DOCK1: variants seen among roughly 807,000 people sequenced by gnomAD.
The protein encoded by DOCK1 is dedicator of cytokinesis protein 1.
A neutral mutation model predicts 262.7 loss-of-function variants in DOCK1; 138 were observed. That is an observed-to-expected ratio of 0.53 (90% confidence interval 0.46 to 0.61). The LOEUF (loss-of-function observed/expected upper bound fraction) is 0.61. Ranked by LOEUF, DOCK1 falls within the 20% of genes least tolerant of loss-of-function variation. The probability of loss-of-function intolerance (pLI) is 0.00; values close to 1 mark genes in which losing one functional copy is unlikely to be tolerated. For synonymous variants in DOCK1, 866 were observed against 867.4 expected (o/e 1.00, Z 0.03); for missense variants, 1,908 against 2,370.7 (o/e 0.80, Z 4.05).
intron 1 of DOCK1, among the ~76,000 whole-genome samples, chr10:126,929,243 G>T (rs993615157): frequency 1.3e-5 from 2 of 152,200 alleles, no homozygotes; most frequent in Non-Finnish European, 1.5e-5. Context: ...CAGATTGCTG[G>T]TTGTAATTTT....
intron 29 of DOCK1, among the ~76,000 whole-genome samples, chr10:127,326,081 C>T (rs2062736481): frequency 6.6e-6 from 1 of 152,190 alleles, no homozygotes; most frequent in African/African-American, 2.4e-5. Flanking sequence ...GAGGCTTCAG[C>T]AAATCTAAAT....
intron 1 of DOCK1, among the ~76,000 whole-genome samples, chr10:126,925,219 A>C (rs904134319): frequency 6.6e-6 from 1 of 152,224 alleles, no homozygotes; most frequent in Non-Finnish European, 1.5e-5. Context: ...TAAGCCTAAC[A>C]TACCATAGGC....
At chr10:127,073,563 C>T (rs1172698047) in intron 23 of DOCK1, among the ~76,000 whole-genome samples, 1 of 152,178 alleles carries the variant, frequency 6.6e-6, no homozygotes, top group African/African-American at 2.4e-5. Context: ...TATTTCTCTC[C>T]ATTTGAGGGA....
intron 25 of DOCK1, among the ~76,000 whole-genome samples, chr10:127,121,661 G>T (rs751705663): frequency 4.1e-4 from 62 of 152,166 alleles, no homozygotes; most frequent in Non-Finnish European, 7.5e-4. Flanking sequence ...CTTAAAAAAT[G>T]AGGTTTTAAG....
chr10:127,149,832 G>A (rs2052316394), intron 27 of DOCK1, among the ~76,000 whole-genome samples: 1 of 152,120 alleles, frequency 6.6e-6, no homozygotes, highest in African/African-American at 2.4e-5. Context: ...CCAATCCCGG[G>A]GTGTTCCAGG....
At chr10:127,003,964 C>T (rs1047590853) in intron 10 of DOCK1, among the ~76,000 whole-genome samples, 1 of 150,278 alleles carries the variant, frequency 6.7e-6, no homozygotes. Flanking sequence ...CCCTCCCCCC[C>T]AAAAAAAAGG....
chr10:127,130,062 CTTCTTT>C (rs2050218137), intron 27 of DOCK1, among the ~76,000 whole-genome samples: 1 of 99,014 alleles, frequency 1.0e-5, no homozygotes, highest in African/African-American at 5.4e-5. Context: ...CAGTTAGGGT[CTTCTTT>C]TTTTTTTTTT....
At chr10:127,401,535 C>T (rs941739621) in intron 38 of DOCK1, among the ~76,000 whole-genome samples, 15 of 152,134 alleles carry the variant, frequency 9.9e-5, no homozygotes, top group South Asian at 2.1e-4. Context: ...ACCCCTTTTC[C>T]GGTGGAATGC....
chr10:127,384,138 A>G (rs911457221), intron 37 of DOCK1, among the ~76,000 whole-genome samples: 2 of 152,162 alleles, frequency 1.3e-5, no homozygotes, highest in Admixed American at 6.5e-5. Context: ...CTTATACTTA[A>G]TGCCACTGAT....
chr10:127,396,379 G>T (rs75612018), intron 38 of DOCK1, among the ~76,000 whole-genome samples: 13,883 of 152,266 alleles, frequency 0.091, 691 homozygotes, highest in African/African-American at 0.13. Context: ...CCCATGTGTT[G>T]TTCTCTGTCA....
intron 27 of DOCK1, among the ~76,000 whole-genome samples, chr10:127,245,598 G>A (rs1311827732): frequency 1.3e-5 from 2 of 152,162 alleles, no homozygotes. Context: ...GTGTTACAAC[G>A]GTTTTGGCAT....
chr10:126,974,599 C>T (rs893145922), intron 2 of DOCK1, among the ~76,000 whole-genome samples: 5 of 152,172 alleles, frequency 3.3e-5, no homozygotes, highest in Admixed American at 2.0e-4. Context: ...CCCCTCTTTG[C>T]TGTGCCCCAG....
chr10:127,109,524 G>C (rs2048739149), intron 24 of DOCK1, among the ~76,000 whole-genome samples: 1 of 152,150 alleles, frequency 6.6e-6, no homozygotes, highest in African/African-American at 2.4e-5. Context: ...AGATCCCAGT[G>C]TCCATTTCTG....
chr10:126,975,565 T>C (rs1048449036), intron 2 of DOCK1, among the ~76,000 whole-genome samples: 3 of 152,226 alleles, frequency 2.0e-5, no homozygotes, highest in Admixed American at 2.0e-4. Flanking sequence ...TCTTCATACA[T>C]GTTGAGGTCT....
At chr10:126,945,821 G>T (rs2035354392) in intron 1 of DOCK1, among the ~76,000 whole-genome samples, 1 of 152,234 alleles carries the variant, frequency 6.6e-6, no homozygotes, top group African/African-American at 2.4e-5. Context: ...GCACTTTGCT[G>T]ATGCAGGCAG....
intron 1 of DOCK1, among the ~76,000 whole-genome samples, chr10:126,948,669 C>A (rs1285875408): frequency 6.6e-6 from 1 of 151,940 alleles, no homozygotes; most frequent in Non-Finnish European, 1.5e-5. Flanking sequence ...GAGCCAGAGG[C>A]ACTGCTTCCC....
chr10:127,246,359 G>A (rs916322320), intron 27 of DOCK1, among the ~76,000 whole-genome samples: 1 of 152,144 alleles, frequency 6.6e-6, no homozygotes, highest in Non-Finnish European at 1.5e-5. Context: ...GAAAGAGGTC[G>A]TATTCTATTA....
intron 23 of DOCK1, among the ~76,000 whole-genome samples, chr10:127,075,671 G>T (rs1269304636): frequency 2.0e-5 from 3 of 152,082 alleles, no homozygotes; most frequent in Non-Finnish European, 2.9e-5. Context: ...GAGAGCGGAG[G>T]GGGAAGTGAC....
intron 25 of DOCK1, among the ~76,000 whole-genome samples, chr10:127,123,053 C>T (rs567211255): frequency 1.3e-5 from 2 of 152,286 alleles, no homozygotes; most frequent in African/African-American, 4.8e-5. Context: ...GTGCTATGTT[C>T]CTCTGATTTT....
Sources: gnomAD v4.1 joint callset for allele counts (sites outside exome capture counted in the v4.1 genomes callset) on GRCh38, gnomAD v4.1.1 for gene constraint, MANE v1.5 for transcripts, NCBI Gene and HGNC (gene_info 2026-07-23, HGNC 2026-07-21) for gene names.